Variants in UNC5D observed in about 807,000 individuals in gnomAD.
UNC5D encodes netrin receptor UNC5D.
Under a neutral mutation model 105.4 loss-of-function variants are expected in UNC5D, and 39 were observed. That is an observed-to-expected ratio of 0.37 (90% CI 0.29 to 0.48). UNC5D has a LOEUF of 0.48. UNC5D is among the 20% of genes least tolerant of loss of function. The pLI is 0.98. For synonymous variants in UNC5D, 452 were observed against 450.4 expected (o/e 1.00, Z -0.04); for missense variants, 991 against 1,202.4 (o/e 0.82, Z 2.60).
intron 1 of UNC5D, among the ~76,000 whole-genome samples, chr8:35,413,292 T>TGTGTGTGTGTGTGTGTGTGTTG (rs56157732): frequency 3.1e-5 from 4 of 128,042 alleles, no homozygotes; most frequent in African/African-American, 1.2e-4. Context: ...TGTGTGTGTG[T>TGTGTGTGTGTGTGTGTGTGTTG]TGTGTGTGTG....
At chr8:35,507,649 G>T (rs1201856389) in intron 1 of UNC5D, among the ~76,000 whole-genome samples, 1 of 151,960 alleles carries the variant, frequency 6.6e-6, no homozygotes, top group African/African-American at 2.4e-5. Flanking sequence ...GGTGGGGATG[G>T]TTAATGGGTA....
At chr8:35,308,102 CTA>C (rs1383731247) in intron 1 of UNC5D, among the ~76,000 whole-genome samples, 3 of 147,154 alleles carry the variant, frequency 2.0e-5, no homozygotes, top group Non-Finnish European at 4.5e-5. Flanking sequence ...TAAGCCTTTT[CTA>C]TGTCACAATG....
chr8:35,566,562 C>G (rs6468320), intron 2 of UNC5D, among the ~76,000 whole-genome samples: 39,168 of 152,170 alleles, frequency 0.26, 6,570 homozygotes, highest in African/African-American at 0.47. Flanking sequence ...TAAGAGGCAC[C>G]TGAGCATAGT....
At position 35,790,445 on chromosome 8, in the gene UNC5D, T is replaced by G; in HGVS notation, c.2744T>G (p.Leu915Arg). 1 of 1,614,008 alleles carries G rather than the reference T, an allele frequency of 6.2e-7. No individual in the cohort carries two copies. Among genetic ancestry groups the G allele is most frequent in the Non-Finnish European group, 8.5e-7 (1 of 1,179,910 alleles). The change falls in exon 17 of 17, where the codon CTT becomes CGT. Residue 915 changes from leucine (L) to arginine (R), a missense_variant. By Grantham distance (102) the Leu-to-Arg change is moderately radical. This residue lies in a region of UNC5D where 45 missense variants were observed against 54.5 expected (regional missense o/e 0.83). Coordinates refer to ENST00000404895, the MANE Select transcript of UNC5D (RefSeq NM_080872.4). ...GCTCGTCATCAGCATGATGGTGATC[T>G]TGACTCCCTGGCCTGTGCCCTTGAA... is the stretch of plus-strand genomic sequence containing the variant. ...WEARHQHDGD[L>R]DSLACALEEI...
At chr8:35,753,046 G>A (rs60592123) in intron 13 of UNC5D, among the ~76,000 whole-genome samples, 11,348 of 152,186 alleles carry the variant, frequency 0.075, 1,146 homozygotes, top group African/African-American at 0.23. Flanking sequence ...CTTGTTCTCA[G>A]TGACTTTCAG....
intron 1 of UNC5D, among the ~76,000 whole-genome samples, chr8:35,260,141 A>T (rs1434536111): frequency 6.6e-6 from 1 of 152,124 alleles, no homozygotes; most frequent in Non-Finnish European, 1.5e-5. Flanking sequence ...TTGCCTTCAG[A>T]GTGACAGGTA....
chr8:35,379,593 A>G (rs1348288527), intron 1 of UNC5D, among the ~76,000 whole-genome samples: 1 of 152,042 alleles, frequency 6.6e-6, no homozygotes, highest in African/African-American at 2.4e-5. Flanking sequence ...ACCGTCCTGC[A>G]CTAAATTCCA....
chr8:35,657,545 C>A (rs1481046580), intron 4 of UNC5D, among the ~76,000 whole-genome samples: 3 of 152,126 alleles, frequency 2.0e-5, no homozygotes, highest in African/African-American at 7.2e-5. Flanking sequence ...AGTGCAGTGG[C>A]TGGATCATAG....
chr8:35,491,611 C>G (rs973859099), intron 1 of UNC5D, among the ~76,000 whole-genome samples: 6 of 146,226 alleles, frequency 4.1e-5, no homozygotes, highest in Non-Finnish European at 7.5e-5. Context: ...GTAGGCAACA[C>G]TTTAGAGTGT....
intron 1 of UNC5D, among the ~76,000 whole-genome samples, chr8:35,452,748 A>C (rs554223015): frequency 3.3e-5 from 5 of 152,290 alleles, no homozygotes; most frequent in Non-Finnish European, 7.4e-5. Context: ...GACATTACAT[A>C]GAAAAATAAG....
intron 1 of UNC5D, among the ~76,000 whole-genome samples, chr8:35,499,579 G>A (rs1469205554): frequency 6.6e-6 from 1 of 152,158 alleles, no homozygotes; most frequent in Non-Finnish European, 1.5e-5. Flanking sequence ...GCATCATTTA[G>A]CCAGAGGAAA....
chr8:35,238,582 T>C (rs914574438), intron 1 of UNC5D, among the ~76,000 whole-genome samples: 7 of 152,192 alleles, frequency 4.6e-5, no homozygotes, highest in Non-Finnish European at 7.3e-5. Context: ...GTCATACTGA[T>C]TTGTTTTTGT....
At chr8:35,687,058 T>A (rs1029554169) in intron 7 of UNC5D, among the ~76,000 whole-genome samples, 2 of 152,214 alleles carry the variant, frequency 1.3e-5, no homozygotes, top group Non-Finnish European at 2.9e-5. Flanking sequence ...GTGGTTATAT[T>A]TCCCCCCAGG....
chr8:35,286,281 A>C (rs1563280878), intron 1 of UNC5D, among the ~76,000 whole-genome samples: 1 of 152,194 alleles, frequency 6.6e-6, no homozygotes, highest in Non-Finnish European at 1.5e-5. Flanking sequence ...TCCAACTAGC[A>C]ACTATCCACA....
intron 1 of UNC5D, among the ~76,000 whole-genome samples, chr8:35,547,305 T>C (rs75754241): frequency 6.8e-6 from 1 of 147,174 alleles, no homozygotes; most frequent in East Asian, 2.0e-4. Flanking sequence ...TTTTTTTTTT[T>C]AATTGAGACA....
At chr8:35,733,419 C>T (rs7007342) in intron 11 of UNC5D, among the ~76,000 whole-genome samples, 20,190 of 152,112 alleles carry the variant, frequency 0.13, 3,076 homozygotes, top group African/African-American at 0.37. Context: ...CCCATTTTCA[C>T]TTTGGGCTGT....
intron 4 of UNC5D, among the ~76,000 whole-genome samples, chr8:35,658,838 G>A (rs1250613354): frequency 6.6e-6 from 1 of 152,092 alleles, no homozygotes; most frequent in Non-Finnish European, 1.5e-5. Flanking sequence ...TGTATTTTTA[G>A]TAGAGACGGG....
At chr8:35,490,960 T>C (rs1811175405) in intron 1 of UNC5D, among the ~76,000 whole-genome samples, 1 of 152,196 alleles carries the variant, frequency 6.6e-6, no homozygotes, top group Admixed American at 6.5e-5. Context: ...CTTTTCATCA[T>C]TCCTAGTTTG....
rs375654694 is a variant in UNC5D at position 35,393,384 on chromosome 8, C to T, written c.104-155908C>T. On this transcript the variant is annotated intron_variant, in intron 1 of 16. Coordinates refer to ENST00000404895, the MANE Select transcript of UNC5D (RefSeq NM_080872.4). ...TCCTGACCTCGTGATCCGCCCGCCT[C>T]GGCCTCCCAAAGTGCTGGGATTACA... Among the ~76,000 whole-genome samples, 647 of 152,136 alleles carry T rather than the reference C, an allele frequency of 4.3e-3. 3 individuals carry two copies. The highest frequency in any genetic ancestry group is 0.015 in the African/African-American group (626 of 41,524).
Sources: allele counts gnomAD v4.1 joint callset (sites outside exome capture counted in the v4.1 genomes callset), GRCh38; gene constraint gnomAD v4.1.1; regional missense constraint gnomAD v4.1.1; transcripts MANE v1.5; gene names NCBI Gene and HGNC (gene_info 2026-07-23, HGNC 2026-07-21).